The following PTPN1 variants were observed in gnomAD, a reference collection of about 807,000 sequenced individuals.
PTPN1 encodes the protein tyrosine-protein phosphatase non-receptor type 1.
In PTPN1, 12 loss-of-function variants were observed where a neutral mutation model predicts 59.9. The observed-to-expected ratio is 0.20, with a 90% CI of 0.13 to 0.32. PTPN1 has a LOEUF of 0.32. Among genes scored for constraint, PTPN1 ranks in the 10% least tolerant of loss-of-function variants. The pLI is 1.00. For missense variants in PTPN1, 356 were observed against 549.2 expected, an observed-to-expected ratio of 0.65 and a Z score of 3.52; for synonymous variants, 178 against 203.6, an observed-to-expected ratio of 0.87 and a Z score of 1.07.
intron 9 of PTPN1, among the ~76,000 whole-genome samples, chr20:50,581,676 A>G (rs541384546): frequency 1.3e-5 from 2 of 152,278 alleles, no homozygotes; most frequent in South Asian, 4.1e-4. Context: ...CCAAGAATAT[A>G]AGAGTCTAAT....
chr20:50,578,434 A>T lies in PTPN1; in HGVS notation c.507A>T (p.Arg169=). Reference sequence around the variant, plus strand: ...TTCTCTTTCAGACCCAAGAAACTCGAGAGATCTTACATTTCCACTATACCA... The same window carrying T: ...TTCTCTTTCAGACCCAAGAAACTCGTGAGATCTTACATTTCCACTATACCA... ...ELENLTTQET[R]EILHFHYTTW... is the part of the protein sequence containing the mutation. The change falls in exon 6 of 10, where the codon CGA becomes CGT. Residue 169 remains arginine (R), a synonymous_variant. Coordinates refer to ENST00000371621, the MANE Select transcript of PTPN1 (RefSeq NM_002827.4). 6.2e-7 allele frequency: 1 copy of T among 1,613,750 alleles called. No homozygotes were observed. The highest frequency in any genetic ancestry group is 8.5e-7 in the Non-Finnish European group (1 of 1,179,620).
At chr20:50,562,575 C>G (rs942693060) in intron 2 of PTPN1, among the ~76,000 whole-genome samples, 3 of 152,210 alleles carry the variant, frequency 2.0e-5, no homozygotes, top group Admixed American at 2.0e-4. Context: ...CAGTACCTCA[C>G]GCAGACATAA....
chr20:50,512,382 T>C (rs2082511215), intron 1 of PTPN1, among the ~76,000 whole-genome samples: 1 of 152,396 alleles, frequency 6.6e-6, no homozygotes, highest in Non-Finnish European at 1.5e-5. Flanking sequence ...AACTTAGTTC[T>C]TAGTTGAATT....
At chr20:50,533,594 C>T (rs1019532422) in intron 1 of PTPN1, among the ~76,000 whole-genome samples, 2 of 152,114 alleles carry the variant, frequency 1.3e-5, no homozygotes, top group Non-Finnish European at 1.5e-5. Flanking sequence ...TCAGCTGGCT[C>T]GTCGAGAGCT....
intron 1 of PTPN1, among the ~76,000 whole-genome samples, chr20:50,548,960 C>T (rs556222218): frequency 3.3e-5 from 5 of 152,276 alleles, no homozygotes; most frequent in South Asian, 4.1e-4. Flanking sequence ...TGAAGTGATC[C>T]GCCCGCCTTG....
intron 1 of PTPN1, among the ~76,000 whole-genome samples, chr20:50,534,546 G>C (rs150985509): frequency 6.6e-6 from 1 of 151,960 alleles, no homozygotes; most frequent in African/African-American, 2.4e-5. Flanking sequence ...TGTTTTTACT[G>C]TAATTTTTTT....
chr20:50,528,241 C>T (rs759434001), intron 1 of PTPN1, among the ~76,000 whole-genome samples: 16 of 152,212 alleles, frequency 1.1e-4, no homozygotes, highest in Non-Finnish European at 1.8e-4. Context: ...CCATGGCCCT[C>T]TGAAGGCCTC....
chr20:50,539,018 T>G (rs1315211654), intron 1 of PTPN1, among the ~76,000 whole-genome samples: 5 of 150,414 alleles, frequency 3.3e-5, no homozygotes, highest in African/African-American at 1.2e-4. Flanking sequence ...TCTAAGTTCT[T>G]CTCAATTCTT....
rs142824008 is a variant in PTPN1 at position 50,515,693 on chromosome 20, G to A, written c.63+5103G>A. Among the ~76,000 whole-genome samples the A allele has an allele frequency of 2.6e-5, 4 of 152,258 alleles. No homozygotes were observed. The East Asian group carries it at 7.7e-4, about 29-fold the overall frequency. On this transcript the variant is annotated intron_variant, in intron 1 of 9. Transcript: ENST00000371621. The stretch of plus-strand genomic sequence containing the variant: ...ATTCATCTTGAAGTCCTCTGCTCCT[G>A]GCACAGAGTAGGTACCTAACAAGAG...
At position 50,570,769 on chromosome 20, in the gene PTPN1, C is replaced by T. The variant is rs1045094353; in HGVS notation, c.354+2291C>T. On this transcript the variant is annotated intron_variant, in intron 4 of 9. Coordinates refer to ENST00000371621, the MANE Select transcript of PTPN1 (RefSeq NM_002827.4). ...GTGCTGGGCGCTGTAGGAAGTTTAG[C>T]AGCATCTCTGGCCTCTATCCACCAG... Among the ~76,000 whole-genome samples the T allele has an allele frequency of 2.0e-5, 3 of 152,154 alleles. No individual in the cohort carries two copies. In the East Asian group the frequency reaches 5.8e-4, roughly 29 times the overall value.
intron 1 of PTPN1, among the ~76,000 whole-genome samples, chr20:50,560,710 C>G (rs1046419804): frequency 1.7e-4 from 26 of 151,298 alleles, no homozygotes; most frequent in African/African-American, 6.1e-4. Flanking sequence ...TAAGTACATT[C>G]ACGTTGTGTG....
At chr20:50,559,280 C>T (rs139201187) in intron 1 of PTPN1, among the ~76,000 whole-genome samples, 423 of 152,226 alleles carry the variant, frequency 2.8e-3, no homozygotes, top group Non-Finnish European at 4.2e-3. Context: ...AATCCACCCA[C>T]CTCGGAATGT....
chr20:50,531,839 T>C (rs931997193), intron 1 of PTPN1, among the ~76,000 whole-genome samples: 8 of 151,774 alleles, frequency 5.3e-5, no homozygotes, highest in East Asian at 3.9e-4. Flanking sequence ...CTCCTTACCA[T>C]CCTCTCCCCG....
intron 1 of PTPN1, among the ~76,000 whole-genome samples, chr20:50,560,959 G>T (rs1482799189): frequency 6.6e-6 from 1 of 152,122 alleles, no homozygotes; most frequent in Non-Finnish European, 1.5e-5. Flanking sequence ...AGAAATTGCA[G>T]TTGGAACTCC....
chr20:50,521,783 C>G (rs1160559171), intron 1 of PTPN1, among the ~76,000 whole-genome samples: 1 of 152,214 alleles, frequency 6.6e-6, no homozygotes, highest in Non-Finnish European at 1.5e-5. Flanking sequence ...ACTCTGGATT[C>G]TGGCCTCTCT....
In PTPN1 at chr20:50,568,325, C is replaced by T. The variant is rs867832632; in HGVS notation, c.256-55C>T. On this transcript the variant is annotated intron_variant, in intron 3 of 9. Coordinates refer to ENST00000371621, the MANE Select transcript of PTPN1 (RefSeq NM_002827.4). This position sits in a 1 kb window ranked among gnomAD's most constrained non-coding sequence, Gnocchi z 5.6. ...TAGCTGACTGCAGAAGGTGAGCACA[C>T]GCTGTAGCATGTTATGTTTCAGATG... The T allele has an allele frequency of 2.8e-5, 42 of 1,474,182 alleles. 1 individual carries two copies. In the Middle Eastern group the frequency reaches 2.6e-3, roughly 91 times the overall value. The allele number at this position is 1,474,182 out of a possible 1,614,324, so 91.3% of individuals were successfully genotyped here.
intron 5 of PTPN1, among the ~76,000 whole-genome samples, chr20:50,575,226 T>C (rs900829357): frequency 6.6e-6 from 1 of 152,240 alleles, no homozygotes; most frequent in African/African-American, 2.4e-5. Context: ...ATAATTCCCC[T>C]GGATCCGTAA....
intron 1 of PTPN1, among the ~76,000 whole-genome samples, chr20:50,550,056 C>T (rs189371496): frequency 6.6e-6 from 1 of 152,210 alleles, no homozygotes; most frequent in East Asian, 1.9e-4. Flanking sequence ...AAATTTTATG[C>T]TAGTTACCCC....
intron 1 of PTPN1, among the ~76,000 whole-genome samples, chr20:50,517,953 T>C (rs2082536110): frequency 6.6e-6 from 1 of 152,228 alleles, no homozygotes. Context: ...GCTGTGTTTG[T>C]GGCTTTTGTG....
Sources: gnomAD v4.1 joint callset for allele counts (sites outside exome capture counted in the v4.1 genomes callset) on GRCh38, gnomAD v4.1.1 for gene constraint, Gnocchi (gnomAD v3.1) non-coding constraint, MANE v1.5 for transcripts, NCBI Gene and HGNC (gene_info 2026-07-23, HGNC 2026-07-21) for gene names.